The following ZNF385D variants were observed in gnomAD, a reference collection of about 807,000 sequenced individuals.
ZNF385D encodes zinc finger protein 385D.
Under a neutral mutation model 35.8 loss-of-function variants are expected in ZNF385D, and 15 were observed. That is an observed-to-expected ratio of 0.42 (90% CI 0.28 to 0.64). The LOEUF (loss-of-function observed/expected upper bound fraction) is 0.64. Ranked by LOEUF, ZNF385D falls within the 30% of genes least tolerant of loss-of-function variation. The pLI, the probability that ZNF385D is intolerant of heterozygous loss-of-function variation, is 0.23. For synonymous variants in ZNF385D, 212 were observed against 186.8 expected, an observed-to-expected ratio of 1.13 and a Z score of -1.10; for missense variants, 474 against 494.6, an observed-to-expected ratio of 0.96 and a Z score of 0.39.
intron 3 of ZNF385D, among the ~76,000 whole-genome samples, chr3:21,937,441 A>T (rs191211182): frequency 3.3e-5 from 5 of 152,288 alleles, no homozygotes; most frequent in African/African-American, 1.2e-4. Context: ...TTGTATTAAT[A>T]ATTATTTATG....
Position 22,075,162 on chromosome 3 carries a change from G to A in ZNF385D, c.325+93655C>T, listed in dbSNP as rs145806638. On this transcript the variant is annotated intron_variant, in intron 3 of 5. Transcript: ENST00000494108. ...CTAAATCTTTCCAAAAGAATTCAAC[G>A]TGATACCAGAGTTGAGACCACTTAT... 1.2e-4 allele frequency among the ~76,000 whole-genome samples: 18 copies of A among 151,988 alleles called. No homozygotes were observed. In the East Asian group the frequency reaches 3.3e-3, roughly 28 times the overall value.
At chr3:21,525,453 C>T (rs1472459125) in intron 3 of ZNF385D, among the ~76,000 whole-genome samples, 4 of 151,782 alleles carry the variant, frequency 2.6e-5, no homozygotes, top group African/African-American at 7.3e-5. Flanking sequence ...TTTGGGAAGC[C>T]GAGGCGGGCA....
intron 2 of ZNF385D, among the ~76,000 whole-genome samples, chr3:22,332,955 C>A (rs913092349): frequency 6.6e-6 from 1 of 150,996 alleles, no homozygotes; most frequent in African/African-American, 2.4e-5. Context: ...CATTTCCCAT[C>A]ATTCTGGAGA....
At chr3:22,334,702 T>C (rs534435782) in intron 2 of ZNF385D, among the ~76,000 whole-genome samples, 23 of 152,278 alleles carry the variant, frequency 1.5e-4, no homozygotes, top group African/African-American at 5.5e-4. Context: ...TGTTGAGAAG[T>C]GGACATTTTA....
intron 3 of ZNF385D, among the ~76,000 whole-genome samples, chr3:21,759,209 G>C (rs1472959993): frequency 6.6e-6 from 1 of 152,000 alleles, no homozygotes; most frequent in African/African-American, 2.4e-5. Context: ...ATTATGAAGG[G>C]GTTCAGGCAA....
At position 22,107,026 on chromosome 3, in the gene ZNF385D, G is replaced by GTTTTTTTT. The variant is rs10676871; in HGVS notation, c.325+61783_325+61790dup. On this transcript the variant is annotated intron_variant, in intron 3 of 5. Transcript: ENST00000494108. ...TTTATGCAAAAACTTTGGAATGAGAGTTTTTTTTTTTTTTTTAGACAGAGT... is the reference window on the plus strand; with the variant it reads ...TTTATGCAAAAACTTTGGAATGAGAGTTTTTTTTTTTTTTTTTTTTTTTTAGACAGAGT... 2.1e-4 allele frequency among the ~76,000 whole-genome samples: 25 copies of GTTTTTTTT among 118,828 alleles called. 5 individuals carry two copies. The highest frequency in any genetic ancestry group is 3.2e-4 in the Non-Finnish European group (18 of 56,232). 78.0% of individuals were successfully genotyped at this position (118,828 alleles called of 152,430 possible).
chr3:21,783,697 G>C (rs186006653), intron 3 of ZNF385D, among the ~76,000 whole-genome samples: 1 of 152,026 alleles, frequency 6.6e-6, no homozygotes, highest in Non-Finnish European at 1.5e-5. Context: ...CATGCACGAA[G>C]AACACCGTAA....
intron 2 of ZNF385D, among the ~76,000 whole-genome samples, chr3:21,588,907 T>C (rs1349090940): frequency 6.6e-6 from 1 of 152,170 alleles, no homozygotes; most frequent in East Asian, 1.9e-4. Flanking sequence ...TGTAATATGC[T>C]CATACATCCA....
intron 3 of ZNF385D, among the ~76,000 whole-genome samples, chr3:22,167,076 G>T (rs1005780202): frequency 6.6e-6 from 1 of 152,190 alleles, no homozygotes; most frequent in Admixed American, 6.5e-5. Context: ...GCAGATAGGG[G>T]CAGGCCCCTG....
chr3:21,981,523 C>T (rs988437517), intron 3 of ZNF385D, among the ~76,000 whole-genome samples: 1 of 152,010 alleles, frequency 6.6e-6, no homozygotes, highest in Admixed American at 6.6e-5. Flanking sequence ...GTTGTTTATC[C>T]TGTTGATAAT....
At chr3:21,723,383 G>T (rs940305585) in intron 1 of ZNF385D, among the ~76,000 whole-genome samples, 1 of 152,144 alleles carries the variant, frequency 6.6e-6, no homozygotes, top group African/African-American at 2.4e-5. Flanking sequence ...CTAACCCAAT[G>T]CAAGGAAGCA....
rs564229324 is a variant in ZNF385D, at chr3:21,978,940, C to T, written c.325+189877G>A. Among the ~76,000 whole-genome samples, 9 of 152,214 alleles carry T rather than the reference C, an allele frequency of 5.9e-5. No individual in the cohort carries two copies. In the South Asian group the frequency reaches 1.9e-3, roughly 32 times the overall value. On this transcript the variant is annotated intron_variant, in intron 3 of 5. Transcript: ENST00000494108. ...GTGAAAAAACAAAACATATTTTCTT[C>T]ATATTAATATCTAAAATTGGAAATT...
At chr3:22,192,509 A>G (rs748136169) in intron 2 of ZNF385D, among the ~76,000 whole-genome samples, 71 of 152,192 alleles carry the variant, frequency 4.7e-4, no homozygotes, top group Non-Finnish European at 2.6e-4. Flanking sequence ...TCTGCCTTAC[A>G]CTGTTTGTCT....
chr3:21,825,338 C>G (rs981716950), intron 3 of ZNF385D, among the ~76,000 whole-genome samples: 2 of 152,178 alleles, frequency 1.3e-5, no homozygotes, highest in African/African-American at 2.4e-5. Flanking sequence ...CTATCTGTCA[C>G]TTGAATACAC....
At chr3:22,335,215 T>C (rs1300324912) in intron 2 of ZNF385D, among the ~76,000 whole-genome samples, 1 of 152,172 alleles carries the variant, frequency 6.6e-6, no homozygotes, top group Non-Finnish European at 1.5e-5. Flanking sequence ...GTCTTGGCCT[T>C]CTGCTAACAT....
chr3:22,283,013 C>T (rs531090734), intron 2 of ZNF385D, among the ~76,000 whole-genome samples: 1 of 151,690 alleles, frequency 6.6e-6, no homozygotes, highest in African/African-American at 2.4e-5. Context: ...CAAATGGACA[C>T]CAAAAGTGAG....
At chr3:22,357,473 G>T (rs541006854) in intron 2 of ZNF385D, among the ~76,000 whole-genome samples, 3 of 151,898 alleles carry the variant, frequency 2.0e-5, no homozygotes, top group Non-Finnish European at 2.9e-5. Context: ...ACTTGGAAGT[G>T]CAGATATAAA....
At chr3:22,009,356 G>A (rs1696421996) in intron 3 of ZNF385D, among the ~76,000 whole-genome samples, 1 of 152,002 alleles carries the variant, frequency 6.6e-6, no homozygotes, top group Non-Finnish European at 1.5e-5. Flanking sequence ...AGGCGAGGTG[G>A]CTCACTCCTG....
rs551150170 is a variant in ZNF385D at position 21,654,890 on chromosome 3, C to A, written c.165+9996G>T. On this transcript the variant is annotated intron_variant, in intron 2 of 7. Coordinates refer to ENST00000281523, the MANE Select transcript of ZNF385D (RefSeq NM_024697.3). ...CAAATATACTTGCTGGCAAAAAGTTCTCATTCCTTTTACTAAGAGTAATTG... is the reference window on the plus strand; with the variant it reads ...CAAATATACTTGCTGGCAAAAAGTTATCATTCCTTTTACTAAGAGTAATTG... Among the ~76,000 whole-genome samples, 9 of 152,108 alleles carry A rather than the reference C, an allele frequency of 5.9e-5. No homozygotes were observed. In the South Asian group the frequency reaches 1.9e-3, roughly 32 times the overall value.
Sources: allele counts gnomAD v4.1 joint callset (sites outside exome capture counted in the v4.1 genomes callset), GRCh38; gene constraint gnomAD v4.1.1; transcripts MANE v1.5; gene names NCBI Gene and HGNC (gene_info 2026-07-23, HGNC 2026-07-21).